The following TSHZ2 variants were observed in gnomAD, a reference collection of about 807,000 sequenced individuals.
TSHZ2 encodes the protein teashirt zinc finger homeobox 2.
A neutral mutation model predicts 74.4 loss-of-function variants in TSHZ2; 21 were observed. The ratio of observed to expected loss-of-function variants is 0.28; its 90% CI spans 0.20 to 0.41. TSHZ2 has a LOEUF of 0.41. Among genes scored for constraint, TSHZ2 ranks in the 10% least tolerant of loss-of-function variants. The pLI is 1.00. For missense variants in TSHZ2, 1,244 were observed against 1,293.5 expected (o/e 0.96, Z 0.59); for synonymous variants, 540 against 515.3 (o/e 1.05, Z -0.65).
At chr20:53,173,289 AAAATGCTAGGT>A (rs1352580242) in intron 1 of TSHZ2, among the ~76,000 whole-genome samples, 2 of 152,216 alleles carry the variant, frequency 1.3e-5, no homozygotes, top group African/African-American at 2.4e-5. Context: ...TCCACCTGCT[AAAATGCTAGGT>A]AAGTATTTAA....
chr20:53,138,116 C>T (rs968094276), intron 1 of TSHZ2, among the ~76,000 whole-genome samples: 3 of 152,192 alleles, frequency 2.0e-5, no homozygotes, highest in Non-Finnish European at 4.4e-5. Flanking sequence ...GGCGCAGTGG[C>T]TCATGCCTGT....
chr20:53,229,173 A>G (rs1192759172), intron 1 of TSHZ2, among the ~76,000 whole-genome samples: 1 of 152,168 alleles, frequency 6.6e-6, no homozygotes, highest in East Asian at 1.9e-4. Flanking sequence ...TCGATTGGCT[A>G]TGAAAGCTCA....
intron 1 of TSHZ2, among the ~76,000 whole-genome samples, chr20:53,131,189 A>G (rs968660230): frequency 2.6e-5 from 4 of 152,260 alleles, no homozygotes; most frequent in Non-Finnish European, 5.9e-5. Flanking sequence ...GTGAAACACA[A>G]GAAAGTCACC....
At chr20:53,262,597 C>G (rs1330905366) in intron 2 of TSHZ2, among the ~76,000 whole-genome samples, 1 of 152,182 alleles carries the variant, frequency 6.6e-6, no homozygotes, top group African/African-American at 2.4e-5. Flanking sequence ...AATGACTCAA[C>G]TTGATGAAGA....
intron 2 of TSHZ2, among the ~76,000 whole-genome samples, chr20:53,360,708 C>T (rs1463910938): frequency 1.3e-5 from 2 of 152,064 alleles, no homozygotes; most frequent in Non-Finnish European, 2.9e-5. Context: ...TAGCATTATC[C>T]CCATTTTTCA....
chr20:52,986,310 G>C (rs150413248), intron 1 of TSHZ2, among the ~76,000 whole-genome samples: 1 of 151,308 alleles, frequency 6.6e-6, no homozygotes, highest in South Asian at 2.1e-4. Context: ...GCTGAAGCAG[G>C]AGAATTGCTT....
chr20:53,319,175 C>T (rs1447071642), intron 2 of TSHZ2, among the ~76,000 whole-genome samples: 7 of 152,166 alleles, frequency 4.6e-5, no homozygotes, highest in Admixed American at 3.9e-4. Flanking sequence ...TCACTCATTT[C>T]GTTCAGCTAA....
intron 1 of TSHZ2, among the ~76,000 whole-genome samples, chr20:53,109,359 C>T (rs1291265034): frequency 2.6e-5 from 4 of 152,128 alleles, no homozygotes; most frequent in East Asian, 1.9e-4. Context: ...TCGGTCTCTC[C>T]GCCTGTCTCT....
Position 53,405,081 on chromosome 20 carries a change from C to T in TSHZ2, c.*9-82063C>T, listed in dbSNP as rs546881102. Among the ~76,000 whole-genome samples the T allele has an allele frequency of 1.3e-3, 197 of 152,220 alleles. 1 individual carries two copies. Among genetic ancestry groups the T allele is most frequent in the African/African-American group, 3.9e-3 (161 of 41,518 alleles). On this transcript the variant is annotated intron_variant, in intron 2 of 2. Coordinates refer to ENST00000371497, the MANE Select transcript of TSHZ2 (RefSeq NM_173485.6). Reference sequence around the variant, plus strand: ...CCTGGCCACCAGGGCGAAAACCTGTCTCTACAAAAATACAAAAATTAGCCA... The same window carrying T: ...CCTGGCCACCAGGGCGAAAACCTGTTTCTACAAAAATACAAAAATTAGCCA...
At position 53,259,405 on chromosome 20, in the gene TSHZ2, G is replaced by T. The variant is rs138861314; in HGVS notation, c.*8+2834G>T. The stretch of plus-strand genomic sequence containing the variant: ...AAAATTTCATTAGAAAATATTAAGT[G>T]TGCATCTCTATTTTAGGTCATAAGT... On this transcript the variant is annotated intron_variant, in intron 2 of 2. Transcript: ENST00000371497. Among the ~76,000 whole-genome samples the T allele has an allele frequency of 3.0e-4, 45 of 152,252 alleles. No homozygotes were observed. In the East Asian group the frequency reaches 6.6e-3, roughly 22 times the overall value.
At chr20:53,284,327 A>G (rs556217247) in intron 2 of TSHZ2, among the ~76,000 whole-genome samples, 3 of 152,326 alleles carry the variant, frequency 2.0e-5, no homozygotes, top group African/African-American at 7.2e-5. Flanking sequence ...AAAATGTACT[A>G]ACAGTGTGGC....
intron 1 of TSHZ2, among the ~76,000 whole-genome samples, chr20:53,141,231 C>T (rs1987394050): frequency 6.6e-6 from 1 of 152,304 alleles, no homozygotes; most frequent in South Asian, 2.1e-4. Context: ...CAAGGAGCCA[C>T]CCCAGGCCAG....
rs201111620 is a variant in TSHZ2, at chr20:53,254,916, T to C, written c.1458T>C (p.Asp486=). The C allele has an allele frequency of 1.4e-5, 22 of 1,613,802 alleles. No individual in the cohort carries two copies. The Admixed American group carries it at 3.2e-4, about 23-fold the overall frequency. The change falls in exon 2 of 3, where the codon GAT becomes GAC. Residue 486 remains aspartate (D), a synonymous_variant. Coordinates refer to ENST00000371497, the MANE Select transcript of TSHZ2 (RefSeq NM_173485.6). The part of the protein sequence containing the change: ...EKVVKSEDYE[D]PLQKPLDPTI... ...TCGTGAAAAGCGAGGACTATGAAGA[T>C]CCTCTACAAAAACCTTTAGACCCTA...
At chr20:53,320,843 G>A (rs1033445345) in intron 2 of TSHZ2, among the ~76,000 whole-genome samples, 7 of 152,230 alleles carry the variant, frequency 4.6e-5, no homozygotes, top group Non-Finnish European at 1.0e-4. Flanking sequence ...GTAACAAGCT[G>A]TGTGTGCTTA....
At chr20:53,129,783 C>G (rs1252546898) in intron 1 of TSHZ2, among the ~76,000 whole-genome samples, 2 of 151,998 alleles carry the variant, frequency 1.3e-5, no homozygotes, top group Non-Finnish European at 2.9e-5. Context: ...CTTGCTTAAC[C>G]TTCGGTTGGA....
chr20:53,396,291 C>T (rs912939814), intron 2 of TSHZ2, among the ~76,000 whole-genome samples: 3 of 152,166 alleles, frequency 2.0e-5, no homozygotes, highest in African/African-American at 4.8e-5. Flanking sequence ...ATGTACGTAT[C>T]GTGGTTCTGA....
rs928440146 is a variant in TSHZ2 at position 53,493,642 on chromosome 20, T to C, written c.*6507T>C. The C allele has an allele frequency of 6.6e-6, 1 of 152,194 alleles. No homozygotes were observed. Among genetic ancestry groups the C allele is most frequent in the Non-Finnish European group, 1.5e-5 (1 of 68,044 alleles). 9.4% of individuals were successfully genotyped at this position (152,194 alleles called of 1,614,324 possible). On this transcript the variant is annotated 3_prime_UTR_variant, in exon 3 of 3. Transcript: ENST00000371497. ...GCGTGTTCTTCTTCTGCATTAAGGA[T>C]GTTTTTGAAATTACAGAGATTATTG...
chr20:53,298,574 G>A (rs1482659243), intron 2 of TSHZ2, among the ~76,000 whole-genome samples: 2 of 152,212 alleles, frequency 1.3e-5, no homozygotes, highest in African/African-American at 4.8e-5. Context: ...AAACAGCAAG[G>A]GGGATAGTAC....
chr20:53,315,182 T>C (rs572603904), intron 2 of TSHZ2, among the ~76,000 whole-genome samples: 1 of 152,358 alleles, frequency 6.6e-6, no homozygotes, highest in South Asian at 2.1e-4. Context: ...ATCTTCACAT[T>C]ATACTTTAGA....
Sources: gnomAD v4.1 joint callset for allele counts (sites outside exome capture counted in the v4.1 genomes callset) on GRCh38, gnomAD v4.1.1 for gene constraint, MANE v1.5 for transcripts, NCBI Gene and HGNC (gene_info 2026-07-23, HGNC 2026-07-21) for gene names.